NKAIN1: variants seen among roughly 807,000 people sequenced by gnomAD.
NKAIN1 encodes the protein sodium/potassium transporting ATPase interacting 1.
A neutral mutation model predicts 31.6 loss-of-function variants in NKAIN1; 13 were observed. The ratio of observed to expected loss-of-function variants is 0.41; its 90% confidence interval spans 0.27 to 0.65. NKAIN1 has a LOEUF of 0.65. Ranked by LOEUF, NKAIN1 falls within the 30% of genes least tolerant of loss-of-function variation. NKAIN1 has a pLI of 0.30. For missense variants in NKAIN1, 193 were observed against 262.2 expected, an observed-to-expected ratio of 0.74 and a Z score of 1.82; for synonymous variants, 104 against 109.0, an observed-to-expected ratio of 0.95 and a Z score of 0.28.
Position 31,181,468 on chromosome 1 carries a change from C to A in NKAIN1, c.*235G>T. The A allele has an allele frequency of 2.4e-6, 1 of 410,532 alleles. No individual in the cohort carries two copies. Among genetic ancestry groups the A allele is most frequent in the Non-Finnish European group, 4.3e-6 (1 of 230,990 alleles). 25.4% of individuals were successfully genotyped at this position (410,532 alleles called of 1,614,324 possible). A position where few individuals can be genotyped will look rare whatever the true frequency, so the allele number is the denominator to read the frequency against. ...ACAAAAAACAAAAAACCCGTGGTGC[C>A]CCTCCCCCGCCCCGCCCCACTCCTC... On this transcript the variant is annotated 3_prime_UTR_variant, in exon 7 of 7. Transcript: ENST00000373736.
In NKAIN1 at chr1:31,181,842, C is replaced by T. The variant is rs759070806; in HGVS notation, c.614+18G>A. The T allele has an allele frequency of 1.3e-6, 2 of 1,598,834 alleles. No individual in the cohort carries two copies. The highest frequency in any genetic ancestry group is 1.1e-5 in the South Asian group (1 of 88,304). On this transcript the variant is annotated intron_variant, in intron 6 of 6. Transcript: ENST00000373736. ...CGACGCCCAGGCCTCCCCAAGCCAG[C>T]AGGGGGCCGTGACCCACGTGTACAG...
At chr1:31,224,365 C>T (rs997727117) in intron 1 of NKAIN1, among the ~76,000 whole-genome samples, 5 of 152,196 alleles carry the variant, frequency 3.3e-5, no homozygotes, top group Non-Finnish European at 7.3e-5. Flanking sequence ...CAGTGTCCGC[C>T]CCACAAATGC....
chr1:31,215,874 G>C (rs7520439), intron 1 of NKAIN1, among the ~76,000 whole-genome samples: 77,379 of 151,908 alleles, frequency 0.51, 21,109 homozygotes, highest in East Asian at 0.77. Flanking sequence ...CAATGGCTAA[G>C]ATATGCACAT....
chr1:31,224,644 T>C (rs1460009084), intron 1 of NKAIN1, among the ~76,000 whole-genome samples: 1 of 152,228 alleles, frequency 6.6e-6, no homozygotes, highest in Non-Finnish European at 1.5e-5. Context: ...AGTTTCCTAA[T>C]AGATGAAGCA....
intron 1 of NKAIN1, among the ~76,000 whole-genome samples, chr1:31,214,655 C>T (rs1354570324): frequency 6.6e-6 from 1 of 152,080 alleles, no homozygotes; most frequent in Non-Finnish European, 1.5e-5. Flanking sequence ...AGGACAAGAG[C>T]TATGATGAGA....
chr1:31,184,961 T>C (rs1645231415), intron 3 of NKAIN1, among the ~76,000 whole-genome samples: 1 of 152,224 alleles, frequency 6.6e-6, no homozygotes, highest in Admixed American at 6.5e-5. Context: ...AGTAGCTTTC[T>C]GGGCTCCCAC....
chr1:31,192,589 C>T (rs1035925893), intron 1 of NKAIN1, among the ~76,000 whole-genome samples: 3 of 151,550 alleles, frequency 2.0e-5, no homozygotes, highest in Non-Finnish European at 2.9e-5. Flanking sequence ...CTCGCTCTGT[C>T]GCCCAGGCTG....
intron 2 of NKAIN1, among the ~76,000 whole-genome samples, chr1:31,186,441 C>T (rs181419122): frequency 8.5e-4 from 127 of 148,922 alleles, no homozygotes; most frequent in Middle Eastern, 3.4e-3. Flanking sequence ...GGTCTGTCAC[C>T]CAGGCTGGAG....
chr1:31,209,589 C>T (rs1433545911), intron 1 of NKAIN1, among the ~76,000 whole-genome samples: 1 of 152,074 alleles, frequency 6.6e-6, no homozygotes. Flanking sequence ...GAAGCTGATG[C>T]AGCATTGCTT....
At chr1:31,238,092 C>T (rs1031667907) in intron 1 of NKAIN1, among the ~76,000 whole-genome samples, 1 of 152,234 alleles carries the variant, frequency 6.6e-6, no homozygotes, top group East Asian at 1.9e-4. Context: ...AGACTGAGGC[C>T]GGCCAGTGGG....
At chr1:31,232,424 T>TATATAGAGAG (rs1313157898) in intron 1 of NKAIN1, among the ~76,000 whole-genome samples, 6 of 16,924 alleles carry the variant, frequency 3.5e-4, no homozygotes, top group African/African-American at 5.2e-4. Context: ...TATATATATA[T>TATATAGAGAG]AGAGAGAGAG....
At position 31,180,822 on chromosome 1, in the gene NKAIN1, A is replaced by T. The variant is rs1487583933; in HGVS notation, c.*881T>A. The T allele has an allele frequency of 6.6e-6, 1 of 152,334 alleles. No homozygotes were observed. The highest frequency in any genetic ancestry group is 1.9e-4 in the East Asian group (1 of 5,200). The allele number at this position is 152,334 out of a possible 1,614,324, so 9.4% of individuals were successfully genotyped here. On this transcript the variant is annotated 3_prime_UTR_variant, in exon 7 of 7. Transcript: ENST00000373736. ...TGGGGCTGAATTTGGGGCTTCATCC[A>T]TCCAGTTCCCAATAAGAGAACGAAT...
chr1:31,181,953 G>C lies in NKAIN1; in HGVS notation c.533-12C>G. ...GCCGATGAAGTCAACTGCGGAAGAG[G>C]GGCGGCGCATGTTAGGGATCGGCGG... On this transcript the variant is annotated splice_polypyrimidine_tract_variant and intron_variant, in intron 5 of 6. Coordinates refer to ENST00000373736, the MANE Select transcript of NKAIN1 (RefSeq NM_024522.3). 6.2e-7 allele frequency: 1 copy of C among 1,602,124 alleles called. No individual in the cohort carries two copies. The highest frequency in any genetic ancestry group is 1.7e-5 in the Admixed American group (1 of 57,438).
At chr1:31,184,039 C>T (rs1371260135) in intron 3 of NKAIN1, 25 bp from the exon 4 acceptor site, 3 of 1,606,798 alleles carry the variant, frequency 1.9e-6, no homozygotes, top group East Asian at 4.5e-5. Flanking sequence ...GCCTGGGATA[C>T]TGAGTGTGAG....
intron 1 of NKAIN1, among the ~76,000 whole-genome samples, chr1:31,227,445 G>A (rs1055491947): frequency 3.9e-5 from 6 of 152,200 alleles, no homozygotes; most frequent in Non-Finnish European, 8.8e-5. Context: ...TTCTGCTTCG[G>A]TGAAATAGAG....
chr1:31,221,905 G>A (rs745960836), intron 1 of NKAIN1, among the ~76,000 whole-genome samples: 1 of 151,190 alleles, frequency 6.6e-6, no homozygotes, highest in African/African-American at 2.4e-5. Context: ...TTGAGACAGA[G>A]TCTCACTCTG....
intron 1 of NKAIN1, among the ~76,000 whole-genome samples, chr1:31,218,063 T>TCTTTCTTC (rs1645530499): frequency 1.4e-5 from 2 of 144,752 alleles, no homozygotes; most frequent in Non-Finnish European, 3.0e-5. Flanking sequence ...TTTCTTTCTT[T>TCTTTCTTC]CTTTCTTTTT....
rs2148371516 is a variant in NKAIN1, at chr1:31,239,728, C to G, written c.-181G>C. 6.6e-6 allele frequency among the ~76,000 whole-genome samples: 1 copy of G among 150,878 alleles called. No homozygotes were observed. Among genetic ancestry groups the G allele is most frequent in the Admixed American group, 6.6e-5 (1 of 15,160 alleles). ...AGGCTGGGGCCGGCCGCCCGCGCTC[C>G]GAGTCCATGGTCCGTCCGTCCGCGC... On this transcript the variant is annotated 5_prime_UTR_variant, in exon 1 of 7. Coordinates refer to ENST00000373736, the MANE Select transcript of NKAIN1 (RefSeq NM_024522.3). This position sits in a 1 kb window ranked among gnomAD's most constrained non-coding sequence, Gnocchi z 4.8.
At position 31,181,878 on chromosome 1, in the gene NKAIN1, T is replaced by G; in HGVS notation, c.596A>C (p.Gln199Pro). ...GACCCACGTGTACAGAGGCTGCAGCTGTAAATGCGACGTCTTCTGGGGCGC... is the reference window on the plus strand; with the variant it reads ...GACCCACGTGTACAGAGGCTGCAGCGGTAAATGCGACGTCTTCTGGGGCGC... Reference protein sequence around the residue: ...YQAPQKTSHLQLQPLYTSG With the variant: ...YQAPQKTSHLPLQPLYTSG Residue 199 changes from glutamine to proline, a missense_variant, in exon 6 of 7, where the codon CAG becomes CCG. Physicochemically the swap from Gln to Pro is moderately conservative, Grantham distance 76 (BLOSUM62 -1). Transcript: ENST00000373736. The G allele has an allele frequency of 6.2e-7, 1 of 1,608,204 alleles. No individual in the cohort carries two copies. The highest frequency in any genetic ancestry group is 8.5e-7 in the Non-Finnish European group (1 of 1,178,076).
Sources: gnomAD v4.1 joint callset for allele counts (sites outside exome capture counted in the v4.1 genomes callset) on GRCh38, gnomAD v4.1.1 for gene constraint, Gnocchi (gnomAD v3.1) non-coding constraint, MANE v1.5 for transcripts, NCBI Gene and HGNC (gene_info 2026-07-23, HGNC 2026-07-21) for gene names.